MAP2: variants seen among roughly 807,000 people sequenced by gnomAD.
MAP2 encodes microtubule-associated protein 2.
A neutral mutation model predicts 137.6 loss-of-function variants in MAP2; 14 were observed. The observed-to-expected ratio is 0.10, with a 90% CI of 0.07 to 0.16. The LOEUF is 0.16. Among genes scored for constraint, MAP2 ranks in the 10% least tolerant of loss-of-function variants. The pLI, the probability that MAP2 is intolerant of heterozygous loss-of-function variation, is 1.00. For missense variants in MAP2, 2,088 were observed against 2,191.5 expected, an observed-to-expected ratio of 0.95 and a Z score of 0.94; for synonymous variants, 786 against 782.3, an observed-to-expected ratio of 1.00 and a Z score of -0.08.
intron 14 of MAP2, among the ~76,000 whole-genome samples, chr2:209,727,431 A>G (rs1325571494): frequency 6.6e-6 from 1 of 152,214 alleles, no homozygotes; most frequent in African/African-American, 2.4e-5. Context: ...TGTGACCTAG[A>G]TGTACGGAAA....
Position 209,545,128 on chromosome 2 carries a change from G to A in MAP2, c.-171-34908G>A, listed in dbSNP as rs570921978. Among the ~76,000 whole-genome samples the A allele has an allele frequency of 4.6e-5, 7 of 152,264 alleles. No individual in the cohort carries two copies. The East Asian group carries it at 1.3e-3, about 29-fold the overall frequency. ...TTTTGGTGGGTGGGGGAGGAAATCT[G>A]GCAGTGATCAGATTGTTTTACACAT... On this transcript the variant is annotated intron_variant, in intron 2 of 15. Transcript: ENST00000682079.
At chr2:209,653,867 A>G (rs929441616) in intron 5 of MAP2, among the ~76,000 whole-genome samples, 2 of 152,224 alleles carry the variant, frequency 1.3e-5, no homozygotes, top group African/African-American at 4.8e-5. Context: ...CCATCATTCA[A>G]CAAATTACAG....
At chr2:209,544,237 G>GA (rs995754767) in intron 2 of MAP2, among the ~76,000 whole-genome samples, 49 of 145,156 alleles carry the variant, frequency 3.4e-4, no homozygotes, top group East Asian at 8.0e-4. Flanking sequence ...TGTCTCAAAA[G>GA]AAAAAAAAAA....
chr2:209,637,959 A>G (rs1355548100), intron 4 of MAP2, among the ~76,000 whole-genome samples: 1 of 152,092 alleles, frequency 6.6e-6, no homozygotes, highest in African/African-American at 2.4e-5. Flanking sequence ...TATTTTGCCT[A>G]CAGGCCCACC....
At chr2:209,611,200 A>G (rs1027690627) in intron 3 of MAP2, among the ~76,000 whole-genome samples, 5 of 152,238 alleles carry the variant, frequency 3.3e-5, no homozygotes, top group South Asian at 2.1e-4. Context: ...TTTAAAAATT[A>G]TAGACCTTAG....
intron 4 of MAP2, among the ~76,000 whole-genome samples, chr2:209,628,272 G>A (rs2092615337): frequency 6.6e-6 from 1 of 152,134 alleles, no homozygotes; most frequent in African/African-American, 2.4e-5. Flanking sequence ...GGCTGAAGAA[G>A]GAGAATCGCT....
chr2:209,540,661 A>G (rs1427102561), intron 2 of MAP2, among the ~76,000 whole-genome samples: 1 of 139,390 alleles, frequency 7.2e-6, no homozygotes, highest in African/African-American at 3.0e-5. Flanking sequence ...AAAAAAAAAA[A>G]AGAAGAAAAG....
intron 2 of MAP2, among the ~76,000 whole-genome samples, chr2:209,521,314 TC>T (rs1350570621): frequency 1.3e-5 from 2 of 152,026 alleles, no homozygotes; most frequent in African/African-American, 2.4e-5. Context: ...ATGTATCATT[TC>T]CTAAATGATT....
rs372013614 is a variant in MAP2, at chr2:209,583,147, G to GTCTGTCTA, written c.-107+3050_-107+3051insGTCTATCT. On this transcript the variant is annotated intron_variant, in intron 3 of 15. Coordinates refer to ENST00000682079, the MANE Select transcript of MAP2 (RefSeq NM_001375505.1). ...TATCTATCTATCCATCTGTCTGTCT[G>GTCTGTCTA]TCTATCTATCTATCTATCTATCTAT... Among the ~76,000 whole-genome samples the GTCTGTCTA allele has an allele frequency of 3.1e-3, 456 of 147,252 alleles. 1 individual carries two copies. The highest frequency in any genetic ancestry group is 6.4e-3 in the African/African-American group (252 of 39,304).
chr2:209,459,908 T>G (rs1260690918), intron 1 of MAP2, among the ~76,000 whole-genome samples: 1 of 151,982 alleles, frequency 6.6e-6, no homozygotes, highest in Non-Finnish European at 1.5e-5. Context: ...CCATGGAGAG[T>G]CTCTCCAACT....
intron 2 of MAP2, among the ~76,000 whole-genome samples, chr2:209,524,048 T>A (rs965462912): frequency 3.9e-5 from 6 of 152,124 alleles, no homozygotes; most frequent in Non-Finnish European, 8.8e-5. Context: ...CTTTTTTTTT[T>A]ATTAAATGCA....
chr2:209,683,904 A>G (rs1173151505), intron 7 of MAP2, among the ~76,000 whole-genome samples: 1 of 152,174 alleles, frequency 6.6e-6, no homozygotes, highest in Non-Finnish European at 1.5e-5. Flanking sequence ...CCAAAGGGGA[A>G]GCATGAAAGC....
intron 2 of MAP2, among the ~76,000 whole-genome samples, chr2:209,516,095 C>T (rs1024970943): frequency 1.3e-5 from 2 of 151,996 alleles, no homozygotes; most frequent in African/African-American, 4.8e-5. Flanking sequence ...GCACCTGGCC[C>T]GGATAGAATG....
intron 5 of MAP2, among the ~76,000 whole-genome samples, chr2:209,664,742 A>G (rs2045454980): frequency 6.6e-6 from 1 of 151,966 alleles, no homozygotes; most frequent in Non-Finnish European, 1.5e-5. Context: ...CAGGCAGATC[A>G]CGAGGTCAGG....
chr2:209,694,889 G>T lies in MAP2; in HGVS notation c.2719G>T (p.Asp907Tyr). Reference sequence around the variant, plus strand: ...AGGCACTGATGATAAAGTTCGAAGAGATTTGGCCACAGACCTTTCACTGAT... The same window carrying T: ...AGGCACTGATGATAAAGTTCGAAGATATTTGGCCACAGACCTTTCACTGAT... ...YEGTDDKVRR[D>Y]LATDLSLIEV... The change falls in exon 8 of 16, where the codon GAT (aspartate) becomes TAT (tyrosine). Residue 907 changes from aspartate (D) to tyrosine (Y), a missense_variant. Asp to Tyr is a radical substitution (Grantham distance 160). Coordinates refer to ENST00000682079, the MANE Select transcript of MAP2 (RefSeq NM_001375505.1). 6.2e-7 allele frequency: 1 copy of T among 1,614,192 alleles called. No homozygotes were observed. The highest frequency in any genetic ancestry group is 1.6e-4 in the Middle Eastern group (1 of 6,062).
intron 3 of MAP2, among the ~76,000 whole-genome samples, chr2:209,597,311 A>G (rs1413408796): frequency 6.6e-6 from 1 of 152,202 alleles, no homozygotes; most frequent in Non-Finnish European, 1.5e-5. Flanking sequence ...ATTCCAAACC[A>G]TCATTTCATC....
intron 1 of MAP2, among the ~76,000 whole-genome samples, chr2:209,425,701 A>C (rs1692374568): frequency 6.6e-6 from 1 of 152,236 alleles, no homozygotes; most frequent in South Asian, 2.1e-4. Context: ...AAAATGTCCC[A>C]TGCATGAGCT....
chr2:209,462,037 G>A (rs1174308649), intron 1 of MAP2, among the ~76,000 whole-genome samples: 1 of 152,156 alleles, frequency 6.6e-6, no homozygotes, highest in Middle Eastern at 3.4e-3. Context: ...TATTTTATGA[G>A]TCATCACACT....
intron 1 of MAP2, among the ~76,000 whole-genome samples, chr2:209,483,664 TTATC>T (rs2058005215): frequency 1.3e-5 from 2 of 152,238 alleles, no homozygotes; most frequent in African/African-American, 4.8e-5. Context: ...TGGGTCTTGT[TTATC>T]TACAAGAAAA....
Sources: allele counts gnomAD v4.1 joint callset (sites outside exome capture counted in the v4.1 genomes callset), GRCh38; gene constraint gnomAD v4.1.1; transcripts MANE v1.5; gene names NCBI Gene and HGNC (gene_info 2026-07-23, HGNC 2026-07-21).